Variants in EYA2 observed in about 807,000 individuals in gnomAD.
EYA2 encodes protein phosphatase EYA2.
Under a neutral mutation model 69.2 loss-of-function variants are expected in EYA2, and 31 were observed. That is an observed-to-expected ratio of 0.45 (90% CI 0.34 to 0.60). EYA2 has a LOEUF of 0.60. EYA2 is among the 20% of genes least tolerant of loss of function. The pLI is 0.02. For synonymous variants in EYA2, 257 were observed against 279.4 expected (o/e 0.92, Z 0.80); for missense variants, 622 against 701.2 (o/e 0.89, Z 1.28).
At chr20:47,180,237 G>T (rs2034513006) in intron 13 of EYA2, among the ~76,000 whole-genome samples, 1 of 151,954 alleles carries the variant, frequency 6.6e-6, no homozygotes, top group East Asian at 1.9e-4. Context: ...CACCATGTTG[G>T]CCAGGCTTGT....
intron 1 of EYA2, among the ~76,000 whole-genome samples, chr20:46,942,318 C>G (rs1986189835): frequency 6.6e-6 from 1 of 152,084 alleles, no homozygotes; most frequent in Non-Finnish European, 1.5e-5. Flanking sequence ...AGTGATCTTC[C>G]CACCTCAGCC....
At chr20:46,955,928 C>T (rs1192635743) in intron 1 of EYA2, among the ~76,000 whole-genome samples, 1 of 152,220 alleles carries the variant, frequency 6.6e-6, no homozygotes, top group African/African-American at 2.4e-5. Context: ...TCAGTTCTGT[C>T]ATCATAACAT....
chr20:47,115,840 G>A (rs998730812), intron 9 of EYA2, among the ~76,000 whole-genome samples: 9 of 152,164 alleles, frequency 5.9e-5, no homozygotes, highest in Admixed American at 2.6e-4. Flanking sequence ...CAGGCCCCGG[G>A]CGGTCCAGCC....
At chr20:47,055,889 T>G (rs969332755) in intron 5 of EYA2, among the ~76,000 whole-genome samples, 2 of 152,034 alleles carry the variant, frequency 1.3e-5, no homozygotes. Flanking sequence ...TGGACATCTC[T>G]CCACACCAGC....
chr20:46,968,180 G>A (rs1300398600), intron 1 of EYA2, among the ~76,000 whole-genome samples: 1 of 152,212 alleles, frequency 6.6e-6, no homozygotes, highest in South Asian at 2.1e-4. Context: ...TGACCCTAGG[G>A]GGAGGACAAG....
At chr20:46,924,669 CAAAA>C (rs10568771) in intron 1 of EYA2, among the ~76,000 whole-genome samples, 353 of 88,342 alleles carry the variant, frequency 4.0e-3, no homozygotes, top group African/African-American at 0.02. Flanking sequence ...GACTCCATCT[CAAAA>C]AAAAAAAAAA....
chr20:47,076,913 G>A (rs1485178104), intron 7 of EYA2, among the ~76,000 whole-genome samples: 3 of 152,082 alleles, frequency 2.0e-5, no homozygotes, highest in Admixed American at 1.3e-4. Flanking sequence ...AGCCATTCCT[G>A]CAAAAGTCCC....
intron 9 of EYA2, among the ~76,000 whole-genome samples, chr20:47,108,799 C>A (rs939612705): frequency 1.3e-5 from 2 of 151,976 alleles, no homozygotes; most frequent in African/African-American, 4.8e-5. Flanking sequence ...AAGCGATCCT[C>A]CCCCCTCAGC....
chr20:47,097,653 A>G (rs571990374), intron 9 of EYA2, among the ~76,000 whole-genome samples: 1 of 152,342 alleles, frequency 6.6e-6, no homozygotes, highest in Admixed American at 6.5e-5. Flanking sequence ...TGTATCATCA[A>G]CAAATTATGT....
At chr20:46,905,659 G>A (rs1984316306) in intron 1 of EYA2, among the ~76,000 whole-genome samples, 1 of 152,210 alleles carries the variant, frequency 6.6e-6, no homozygotes, top group African/African-American at 2.4e-5. Flanking sequence ...GTGGGACCAT[G>A]AGACAGAGTT....
chr20:46,901,629 T>C (rs986379879), intron 1 of EYA2: 1 of 152,160 alleles, frequency 6.6e-6, no homozygotes, highest in Admixed American at 6.5e-5. Context: ...AGGACTTTTG[T>C]TTCAGGGTGT....
rs1279075653 is a variant in EYA2 at position 47,057,142 on chromosome 20, GAA to G, written c.416-15042_416-15041del. On this transcript the variant is annotated intron_variant, in intron 5 of 15. Transcript: ENST00000327619. Reference sequence around the variant, plus strand: ...AAGGAAGAAGACAGGAAGGAGGGAGGAAGGAAGGAAGGAAGGAAGGAAGGAAG... The same window carrying G: ...AAGGAAGAAGACAGGAAGGAGGGAGGGGAAGGAAGGAAGGAAGGAAGGAAG... 8.1e-3 allele frequency among the ~76,000 whole-genome samples: 662 copies of G among 82,106 alleles called. 2 individuals carry two copies. Among genetic ancestry groups the G allele is most frequent in the African/African-American group, 0.036 (590 of 16,366 alleles). The allele number at this position is 82,106 out of a possible 152,430, so 53.9% of individuals were successfully genotyped here.
At chr20:47,022,814 C>T (rs1983837211) in intron 5 of EYA2, among the ~76,000 whole-genome samples, 1 of 151,358 alleles carries the variant, frequency 6.6e-6, no homozygotes, top group Non-Finnish European at 1.5e-5. Context: ...GCCACCATGC[C>T]CAGCTAATTT....
intron 5 of EYA2, among the ~76,000 whole-genome samples, chr20:47,034,366 T>C (rs899964874): frequency 6.6e-6 from 1 of 152,146 alleles, no homozygotes; most frequent in Admixed American, 6.5e-5. Flanking sequence ...TAAGCTGATA[T>C]AAGGGAAATA....
intron 5 of EYA2, among the ~76,000 whole-genome samples, chr20:47,032,574 C>A (rs1368921981): frequency 6.6e-6 from 1 of 152,022 alleles, no homozygotes; most frequent in African/African-American, 2.4e-5. Context: ...ATATTTTTCG[C>A]CAATTAACAT....
rs1555832407 is a variant in EYA2 at position 47,154,819 on chromosome 20, T to TTTTGTG, written c.978+11672_978+11673insTTGTGT. Among the ~76,000 whole-genome samples, 84 of 140,886 alleles carry TTTTGTG rather than the reference T, an allele frequency of 6.0e-4. 1 individual carries two copies. Among genetic ancestry groups the TTTTGTG allele is most frequent in the Admixed American group, 4.1e-3 (57 of 13,982 alleles). 92.4% of individuals were successfully genotyped at this position (140,886 alleles called of 152,430 possible). On this transcript the variant is annotated intron_variant, in intron 10 of 15. Transcript: ENST00000327619. ...TGATTTTGTTTTTGTTTATTTTGTT[T>TTTTGTG]TGTGTGTGTGTGTGTGTGTGTGTGT...
intron 5 of EYA2, among the ~76,000 whole-genome samples, chr20:47,069,012 C>T (rs16992299): frequency 0.017 from 2,596 of 152,264 alleles, 59 homozygotes; most frequent in African/African-American, 0.059. Flanking sequence ...TCCAGGCTTC[C>T]GGGTCCTGAA....
chr20:46,949,966 G>A (rs1978699528), intron 1 of EYA2, among the ~76,000 whole-genome samples: 1 of 152,194 alleles, frequency 6.6e-6, no homozygotes. Flanking sequence ...ACACAAAGAG[G>A]CTGAGGTGCT....
chr20:47,080,008 A>C (rs1036511183), intron 7 of EYA2, among the ~76,000 whole-genome samples: 1 of 152,318 alleles, frequency 6.6e-6, no homozygotes, highest in East Asian at 1.9e-4. Context: ...TCTGTAGAAC[A>C]CTCCACCCAA....
Sources: allele counts gnomAD v4.1 joint callset (sites outside exome capture counted in the v4.1 genomes callset), GRCh38; gene constraint gnomAD v4.1.1; transcripts MANE v1.5; gene names NCBI Gene and HGNC (gene_info 2026-07-23, HGNC 2026-07-21).